PLCB2: variants seen among roughly 807,000 people sequenced by gnomAD.
PLCB2 encodes 1-phosphatidylinositol 4,5-bisphosphate phosphodiesterase beta-2.
A neutral mutation model predicts 141.7 loss-of-function variants in PLCB2; 115 were observed. That is an observed-to-expected ratio of 0.81 (90% confidence interval 0.70 to 0.95). The LOEUF is 0.95. PLCB2 is among the 40% of genes least tolerant of loss of function. The probability of loss-of-function intolerance (pLI) is 0.00; values close to 1 mark genes in which losing one functional copy is unlikely to be tolerated. For synonymous variants in PLCB2, 603 were observed against 595.6 expected, an observed-to-expected ratio of 1.01 and a Z score of -0.18; for missense variants, 1,403 against 1,541.1, an observed-to-expected ratio of 0.91 and a Z score of 1.50.
chr15:40,293,618 G>A lies in PLCB2; in HGVS notation c.2168C>T (p.Ser723Leu). ...DPKRRYRTKL[S>L]PSTNSINPVW... is the part of the protein sequence containing the mutation. ...AGGATTGATGGAGTTAGTACTGGGT[G>A]ACAGCTTAGTTCGATAGCGCCTCTT... The change falls in exon 20 of 32, where the codon TCA becomes TTA. Residue 723 changes from serine (S) to leucine (L), a missense_variant. Around this residue, in one of 4 missense-constraint regions of PLCB2, gnomAD observed 975 missense variants for 1,141.1 expected, o/e 0.85. Transcript: ENST00000260402. The A allele has an allele frequency of 1.2e-6, 2 of 1,614,138 alleles. No homozygotes were observed. Among genetic ancestry groups the A allele is most frequent in the Non-Finnish European group, 8.5e-7 (1 of 1,180,000 alleles).
At chr15:40,303,434 G>A in intron 2 of PLCB2, 78 bp from the exon 3 acceptor site, 1 of 984,228 alleles carries the variant, frequency 1.0e-6, no homozygotes, top group Non-Finnish European at 1.6e-6. Context: ...ATGAGCAATA[G>A]GGAGAAGGGA....
downstream of PLCB2, among the ~76,000 whole-genome samples, chr15:40,286,773 T>C (rs947578962): frequency 1.1e-4 from 17 of 152,130 alleles, no homozygotes; most frequent in Admixed American, 1.1e-3. Context: ...CCTTGCCTTT[T>C]TGGGAGGAAA....
intron 19 of PLCB2, 68 bp from the exon 20 acceptor site, chr15:40,293,792 C>A (rs1397985585): frequency 2.0e-6 from 3 of 1,497,722 alleles, no homozygotes; most frequent in African/African-American, 1.4e-5. Flanking sequence ...GCATCTGGGG[C>A]CCCTGGCTGC....
chr15:40,290,722 C>A (rs1265333184), intron 28 of PLCB2, 39 bp downstream of exon 28: 1 of 1,612,320 alleles, frequency 6.2e-7, no homozygotes, highest in East Asian at 2.2e-5. Flanking sequence ...TGAGCCCTTG[C>A]TGGGAGGCGA....
At position 40,297,353 on chromosome 15, in the gene PLCB2, A is replaced by G. The variant is rs985994987; in HGVS notation, c.1323+168T>C. Reference sequence around the variant, plus strand: ...GTGTCTTTGTCACTAGCATACCCTGAAGCCCAGCCCAGTGCCTGACACACG... The same window carrying G: ...GTGTCTTTGTCACTAGCATACCCTGGAGCCCAGCCCAGTGCCTGACACACG... On this transcript the variant is annotated intron_variant, in intron 13 of 31. Transcript: ENST00000260402. The surrounding 1 kb of genome is among the most constrained non-coding windows in gnomAD (Gnocchi z 4.2). Among the ~76,000 whole-genome samples the G allele has an allele frequency of 1.3e-5, 2 of 152,176 alleles. No individual in the cohort carries two copies. The highest frequency in any genetic ancestry group is 2.9e-5 in the Non-Finnish European group (2 of 68,028).
chr15:40,284,349 C>T, downstream of PLCB2: 3 of 342,144 alleles, frequency 8.8e-6, no homozygotes, highest in South Asian at 4.3e-5. Flanking sequence ...GTTCTGGGTG[C>T]GAGACGTTCC....
chr15:40,285,854 C>G (rs2039602383), downstream of PLCB2: 1 of 985,312 alleles, frequency 1.0e-6, no homozygotes, highest in African/African-American at 1.7e-5. Flanking sequence ...CTTTCTTGGT[C>G]CTGAAGAGCC....
At chr15:40,302,752 C>T (rs1206381509) in intron 3 of PLCB2, 143 bp from the exon 4 acceptor site, 3 of 867,230 alleles carry the variant, frequency 3.5e-6, no homozygotes, top group East Asian at 5.3e-5. Context: ...CAGGCCTTAG[C>T]ATCTTCCTGT....
chr15:40,293,757 A>G, intron 19 of PLCB2, 33 bp from the exon 20 acceptor site: 1 of 1,597,000 alleles, frequency 6.3e-7, no homozygotes, highest in Non-Finnish European at 8.6e-7. Context: ...ACCAGCATCA[A>G]ATCCCCACCC....
At position 40,293,568 on chromosome 15, in the gene PLCB2, A is replaced by G; in HGVS notation, c.2218T>C (p.Phe740Leu). The G allele has an allele frequency of 6.2e-7, 1 of 1,613,468 alleles. No individual in the cohort carries two copies. Among genetic ancestry groups the G allele is most frequent in the South Asian group, 1.1e-5 (1 of 91,074 alleles). ...NPVWKEEPFVFEKILMPELAS... is the reference protein window; with the variant it reads ...NPVWKEEPFVLEKILMPELAS... Reference sequence around the variant, plus strand: ...CATGCCCTGGCCCCCACCTTCTCAAAGACAAAGGGCTCCTCCTTCCAGACA... The same window carrying G: ...CATGCCCTGGCCCCCACCTTCTCAAGGACAAAGGGCTCCTCCTTCCAGACA... Residue 740 changes from phenylalanine (F) to leucine (L), a missense_variant, in exon 20 of 32, where the codon TTT becomes CTT. By Grantham distance (22) the Phe-to-Leu change is conservative. Transcript: ENST00000260402.
At chr15:40,300,026 C>T (rs1392045886) in intron 7 of PLCB2, among the ~76,000 whole-genome samples, 1 of 152,204 alleles carries the variant, frequency 6.6e-6, no homozygotes, top group East Asian at 1.9e-4. Context: ...CAGACAATCA[C>T]AAGTGTCAGC....
Position 40,298,871 on chromosome 15 carries a change from G to A in PLCB2, c.777C>T (p.Phe259=). Residue 259 remains phenylalanine (F), a synonymous_variant, in exon 9 of 32, where the codon TTC becomes TTT. Transcript: ENST00000260402. ...QRDSRLNSLL[F]PPARPDQVQG... is the part of the protein sequence containing the mutation. ...GCACCTGGTCAGGCCGTGCTGGCGG[G>A]AACAGCAGGGAGTTAAGCCGGGAGT... 6.2e-7 allele frequency: 1 copy of A among 1,612,982 alleles called. No individual in the cohort carries two copies. Among genetic ancestry groups the A allele is most frequent in the East Asian group, 2.2e-5 (1 of 44,886 alleles).
intron 7 of PLCB2, chr15:40,301,642 A>G (rs1455491747): frequency 2.4e-5 from 17 of 702,918 alleles, no homozygotes; most frequent in Non-Finnish European, 4.2e-5. Flanking sequence ...CCCATTCCCA[A>G]CACTAGACTG....
At chr15:40,298,178 C>T (rs778032930) in intron 11 of PLCB2, 45 bp downstream of exon 11, 1 of 1,525,234 alleles carries the variant, frequency 6.6e-7, no homozygotes, top group Admixed American at 2.1e-5. Context: ...GCCCAGAGCC[C>T]TTCCCTACTG....
In PLCB2 at chr15:40,298,722, G is replaced by A; in HGVS notation, c.851-14C>T. The A allele has an allele frequency of 6.2e-7, 1 of 1,613,618 alleles. No individual in the cohort carries two copies. Among genetic ancestry groups the A allele is most frequent in the Non-Finnish European group, 8.5e-7 (1 of 1,179,540 alleles). On this transcript the variant is annotated splice_polypyrimidine_tract_variant and intron_variant, in intron 9 of 31. Coordinates refer to ENST00000260402, the MANE Select transcript of PLCB2 (RefSeq NM_004573.3). ...GTGACAGCTGGCCTGGGGGACAGGAGATAGCTGTCAGGCTACAACCCCGCT... is the reference window on the plus strand; with the variant it reads ...GTGACAGCTGGCCTGGGGGACAGGAAATAGCTGTCAGGCTACAACCCCGCT...
chr15:40,299,249 T>C (rs1595669732), intron 7 of PLCB2, 21 bp from the exon 8 acceptor site: 1 of 1,498,616 alleles, frequency 6.7e-7, no homozygotes, highest in Non-Finnish European at 9.3e-7. Flanking sequence ...AGTAACCTTA[T>C]TGCCCCTGCC....
rs376385760 is a variant in PLCB2 at position 40,302,165 on chromosome 15, G to C, written c.477C>G (p.Leu159=). ...DKILVKLKMQ[L]NSEGKIPVKN... ...TCACCGGAATCTTCCCTTCAGAGTTGAGCTGCATCTTGAGCTTCACAAGGC... is the reference window on the plus strand; with the variant it reads ...TCACCGGAATCTTCCCTTCAGAGTTCAGCTGCATCTTGAGCTTCACAAGGC... The change falls in exon 6 of 32, where the codon CTC becomes CTG. Residue 159 remains leucine, a synonymous_variant. Coordinates refer to ENST00000260402, the MANE Select transcript of PLCB2 (RefSeq NM_004573.3). The C allele has an allele frequency of 1.6e-5, 26 of 1,611,658 alleles. No homozygotes were observed. The highest frequency in any genetic ancestry group is 2.1e-5 in the Non-Finnish European group (25 of 1,178,472).
chr15:40,295,752 C>T (rs1048629266), intron 16 of PLCB2, among the ~76,000 whole-genome samples: 1 of 152,058 alleles, frequency 6.6e-6, no homozygotes, highest in African/African-American at 2.4e-5. Flanking sequence ...GCTGTGGGTT[C>T]AGGGATGAGA....
intron 24 of PLCB2, 89 bp from the exon 25 acceptor site, chr15:40,291,739 G>GT: frequency 1.2e-6 from 2 of 1,602,696 alleles, no homozygotes; most frequent in Non-Finnish European, 1.7e-6. Flanking sequence ...GGGAGTCGCA[G>GT]TATGTGCCCC....
Sources: allele counts gnomAD v4.1 joint callset (sites outside exome capture counted in the v4.1 genomes callset), GRCh38; gene constraint gnomAD v4.1.1; regional missense constraint gnomAD v4.1.1; non-coding constraint Gnocchi (gnomAD v3.1); transcripts MANE v1.5; gene names NCBI Gene and HGNC (gene_info 2026-07-23, HGNC 2026-07-21).